The following SAMD8 variants were observed in gnomAD, a reference collection of about 807,000 sequenced individuals.
SAMD8 encodes the protein sterile alpha motif domain containing 8.
Under a neutral mutation model 42.0 loss-of-function variants are expected in SAMD8, and 20 were observed. The ratio of observed to expected loss-of-function variants is 0.48; its 90% CI spans 0.34 to 0.69. SAMD8 has a LOEUF of 0.69. Among genes scored for constraint, SAMD8 ranks in the 30% least tolerant of loss-of-function variants. The probability of loss-of-function intolerance (pLI) is 0.01; values close to 1 mark genes in which losing one functional copy is unlikely to be tolerated. For missense variants in SAMD8, 328 were observed against 511.6 expected, an observed-to-expected ratio of 0.64 and a Z score of 3.46; for synonymous variants, 162 against 173.0, an observed-to-expected ratio of 0.94 and a Z score of 0.50.
chr10:75,140,843 A>T (rs1192707086), intron 1 of SAMD8, among the ~76,000 whole-genome samples: 1 of 152,076 alleles, frequency 6.6e-6, no homozygotes, highest in East Asian at 1.9e-4. Flanking sequence ...GTTTGGGGAA[A>T]ATTGTCCTCT....
intron 1 of SAMD8, among the ~76,000 whole-genome samples, chr10:75,147,981 T>C (rs1405024484): frequency 6.6e-6 from 1 of 152,218 alleles, no homozygotes; most frequent in Non-Finnish European, 1.5e-5. Flanking sequence ...TATTCCATAA[T>C]GCATAAGAAT....
intron 1 of SAMD8, among the ~76,000 whole-genome samples, chr10:75,101,545 C>T (rs1848159642): frequency 6.6e-6 from 1 of 152,190 alleles, no homozygotes; most frequent in African/African-American, 2.4e-5. Flanking sequence ...TAGGTGCTCA[C>T]ATTTTCTCAT....
upstream of SAMD8, among the ~76,000 whole-genome samples, chr10:75,110,295 T>C (rs1221189961): frequency 6.6e-6 from 1 of 152,216 alleles, no homozygotes; most frequent in Non-Finnish European, 1.5e-5. Flanking sequence ...CCTCTGCCTA[T>C]AAGGGCTTTG....
intron 3 of SAMD8, among the ~76,000 whole-genome samples, chr10:75,165,650 G>A (rs1205969217): frequency 1.4e-5 from 2 of 142,390 alleles, no homozygotes; most frequent in African/African-American, 2.6e-5. Context: ...CAGCCTGGGC[G>A]ACAGAGTGAG....
chr10:75,133,780 A>G (rs1312627406), intron 1 of SAMD8, among the ~76,000 whole-genome samples: 1 of 152,234 alleles, frequency 6.6e-6, no homozygotes, highest in Non-Finnish European at 1.5e-5. Context: ...AGAAGTAGAA[A>G]GTAGGATAGT....
Position 75,161,039 on chromosome 10 carries a change from G to A in SAMD8, c.579-3606G>A, listed in dbSNP as rs569236467. Among the ~76,000 whole-genome samples the A allele has an allele frequency of 1.6e-4, 24 of 152,214 alleles. 1 individual carries two copies. The South Asian group carries it at 4.8e-3, about 30-fold the overall frequency. On this transcript the variant is annotated intron_variant, in intron 2 of 5. Coordinates refer to ENST00000542569, the MANE Select transcript of SAMD8 (RefSeq NM_001174156.2). ...GCCGCGATTGCGCCACTGTACTGCA[G>A]CCTGGGCCGCAGAGTGAGACCCTGT... is the stretch of plus-strand genomic sequence containing the variant.
chr10:75,126,523 A>T (rs1255600745), intron 1 of SAMD8, among the ~76,000 whole-genome samples: 3 of 136,736 alleles, frequency 2.2e-5, no homozygotes, highest in Non-Finnish European at 4.6e-5. Context: ...TTTTTTTGAG[A>T]CAGTATCTTG....
intron 1 of SAMD8, among the ~76,000 whole-genome samples, chr10:75,139,014 G>A (rs1839957859): frequency 6.6e-6 from 1 of 150,992 alleles, no homozygotes. Context: ...AGGCTAGAGG[G>A]CAATGGTGTG....
chr10:75,129,360 T>C lies in SAMD8; in HGVS notation c.-16+17638T>C, dbSNP rs190671202. On this transcript the variant is annotated intron_variant, in intron 1 of 5. Transcript: ENST00000542569. ...GGTTCAAGTGATTCTCCTGCCTCAGTCTCCCAAGTAGCTGGGATTACAGGC... is the reference window on the plus strand; with the variant it reads ...GGTTCAAGTGATTCTCCTGCCTCAGCCTCCCAAGTAGCTGGGATTACAGGC... Among the ~76,000 whole-genome samples the C allele has an allele frequency of 3.4e-3, 512 of 152,064 alleles. 1 individual carries two copies. The highest frequency in any genetic ancestry group is 0.011 in the African/African-American group (477 of 41,480).
At chr10:75,136,776 G>A (rs1839895696) in intron 1 of SAMD8, among the ~76,000 whole-genome samples, 1 of 152,142 alleles carries the variant, frequency 6.6e-6, no homozygotes, top group Non-Finnish European at 1.5e-5. Flanking sequence ...TTGAGTAGGT[G>A]TTTCTCCAAG....
intron 1 of SAMD8, among the ~76,000 whole-genome samples, chr10:75,134,382 C>T (rs1213027032): frequency 6.6e-6 from 1 of 152,172 alleles, no homozygotes; most frequent in Non-Finnish European, 1.5e-5. Flanking sequence ...TGCCTGTAAT[C>T]CCAGCACTTT....
upstream of SAMD8, among the ~76,000 whole-genome samples, chr10:75,110,107 G>A (rs564044181): frequency 3.9e-5 from 6 of 152,296 alleles, no homozygotes; most frequent in South Asian, 2.1e-4. Context: ...GTGAGCCGCC[G>A]TGCCGGGCCA....
chr10:75,120,603 T>A (rs900635289), intron 1 of SAMD8, among the ~76,000 whole-genome samples: 1 of 152,050 alleles, frequency 6.6e-6, no homozygotes, highest in African/African-American at 2.4e-5. Context: ...GTGAGTGGTA[T>A]GCTCCTGTGG....
chr10:75,113,441 C>T (rs533222739), intron 1 of SAMD8, among the ~76,000 whole-genome samples: 1 of 151,100 alleles, frequency 6.6e-6, no homozygotes, highest in Non-Finnish European at 1.5e-5. Flanking sequence ...CTTAAGTGAT[C>T]CTCCCACCTC....
intron 1 of SAMD8, among the ~76,000 whole-genome samples, chr10:75,149,311 A>G (rs1243727840): frequency 6.6e-6 from 1 of 152,254 alleles, no homozygotes; most frequent in Non-Finnish European, 1.5e-5. Flanking sequence ...AAATCAAAGT[A>G]GTAAAAATTA....
intron 4 of SAMD8, among the ~76,000 whole-genome samples, chr10:75,168,895 G>A (rs1589976526): frequency 6.6e-6 from 1 of 152,060 alleles, no homozygotes; most frequent in African/African-American, 2.4e-5. Context: ...TCTTTCGGCC[G>A]GGCGCAGTGG....
upstream of SAMD8, chr10:75,109,108 G>A: frequency 6.2e-7 from 1 of 1,611,964 alleles, no homozygotes; most frequent in Non-Finnish European, 8.5e-7. Flanking sequence ...GCTGGGGCAA[G>A]GCGTGGCTTT....
chr10:75,101,934 G>T (rs566253705), intron 1 of SAMD8: 2 of 1,367,812 alleles, frequency 1.5e-6, no homozygotes, highest in South Asian at 2.3e-5. Flanking sequence ...GCTTTCAGCC[G>T]CCTGTCTCCG....
intron 1 of SAMD8, among the ~76,000 whole-genome samples, chr10:75,118,918 T>A: frequency 6.6e-6 from 1 of 152,172 alleles, no homozygotes; most frequent in East Asian, 1.9e-4. Flanking sequence ...AAACATGTAG[T>A]CTTTATTATG....
Sources: allele counts gnomAD v4.1 joint callset (sites outside exome capture counted in the v4.1 genomes callset), GRCh38; gene constraint gnomAD v4.1.1; transcripts MANE v1.5; gene names NCBI Gene and HGNC (gene_info 2026-07-23, HGNC 2026-07-21).